ARHGAP26: variants seen among roughly 807,000 people sequenced by gnomAD.
ARHGAP26 encodes the protein rho GTPase-activating protein 26.
A neutral mutation model predicts 104.8 loss-of-function variants in ARHGAP26; 38 were observed. The observed-to-expected ratio is 0.36, with a 90% CI of 0.28 to 0.48. The LOEUF (loss-of-function observed/expected upper bound fraction) is 0.48, where lower values mean the gene tolerates loss of function less well. Ranked by LOEUF, ARHGAP26 falls within the 20% of genes least tolerant of loss-of-function variation. The probability of loss-of-function intolerance (pLI) is 0.99; values close to 1 mark genes in which losing one functional copy is unlikely to be tolerated. For missense variants in ARHGAP26, 704 were observed against 947.9 expected (o/e 0.74, Z 3.38); for synonymous variants, 341 against 340.0 (o/e 1.00, Z -0.03).
intron 10 of ARHGAP26, among the ~76,000 whole-genome samples, chr5:142,931,595 T>C (rs1429676850): frequency 6.6e-6 from 1 of 152,208 alleles, no homozygotes; most frequent in Non-Finnish European, 1.5e-5. Context: ...GGACTAGATA[T>C]TAGGAGACAA....
chr5:142,879,226 C>T (rs868165519), intron 3 of ARHGAP26, 148 bp from the exon 4 acceptor site: 17 of 733,416 alleles, frequency 2.3e-5, no homozygotes, highest in African/African-American at 8.7e-5. Flanking sequence ...GCTATTAGTT[C>T]GAAGGTTGTA....
intron 11 of ARHGAP26, among the ~76,000 whole-genome samples, chr5:142,977,966 T>A (rs1598459035): frequency 6.6e-6 from 1 of 152,238 alleles, no homozygotes; most frequent in Admixed American, 6.5e-5. Context: ...GCTGGGATGG[T>A]TGACAGATCA....
chr5:143,175,043 C>T (rs755620362), intron 20 of ARHGAP26, among the ~76,000 whole-genome samples: 12 of 152,152 alleles, frequency 7.9e-5, no homozygotes, highest in Non-Finnish European at 1.5e-4. Context: ...CTGTGTGCTC[C>T]GAATACATCT....
intron 11 of ARHGAP26, among the ~76,000 whole-genome samples, chr5:142,991,448 T>C (rs1383566128): frequency 1.3e-5 from 2 of 152,102 alleles, no homozygotes; most frequent in African/African-American, 4.8e-5. Context: ...AGGCTCACAC[T>C]CCATGGGCTG....
chr5:142,840,612 G>A (rs1430386792), intron 1 of ARHGAP26, among the ~76,000 whole-genome samples: 1 of 152,152 alleles, frequency 6.6e-6, no homozygotes, highest in African/African-American at 2.4e-5. Flanking sequence ...AATGGGGAGG[G>A]CCCATGGCAA....
At chr5:142,782,704 A>T (rs148913604) in intron 1 of ARHGAP26, among the ~76,000 whole-genome samples, 41 of 152,260 alleles carry the variant, frequency 2.7e-4, no homozygotes, top group Non-Finnish European at 1.6e-4. Context: ...ACCTTTGGAG[A>T]TGAAACTGGA....
chr5:143,073,423 G>A (rs572173892), intron 17 of ARHGAP26, among the ~76,000 whole-genome samples: 2 of 152,274 alleles, frequency 1.3e-5, no homozygotes, highest in East Asian at 3.9e-4. Context: ...CCAGACTGAG[G>A]TAAAGGAATG....
rs1183907244 is a variant in ARHGAP26, at chr5:142,858,067, G to GTA, written c.155-15332_155-15331insAT. On this transcript the variant is annotated intron_variant, in intron 1 of 22. Transcript: ENST00000645722. ...TGAGAGAGAGAGAGAGAATCTGTGT[G>GTA]TGTGTGTGTGTGTGTGTGTGTGTGT... 1.8e-3 allele frequency among the ~76,000 whole-genome samples: 247 copies of GTA among 138,516 alleles called. 3 individuals are homozygous for GTA. Among genetic ancestry groups the GTA allele is most frequent in the African/African-American group, 6.9e-3 (233 of 33,550 alleles). The allele number at this position is 138,516 out of a possible 152,430, so 90.9% of individuals were successfully genotyped here. A position where few individuals can be genotyped will look rare whatever the true frequency, so the allele number is the denominator to read the frequency against.
At chr5:143,179,766 G>A (rs1358181431) in intron 20 of ARHGAP26, among the ~76,000 whole-genome samples, 1 of 152,064 alleles carries the variant, frequency 6.6e-6, no homozygotes, top group African/African-American at 2.4e-5. Flanking sequence ...TTGTTATTGT[G>A]GGGAAAGTCC....
chr5:142,910,386 G>T (rs1479412085), intron 9 of ARHGAP26, among the ~76,000 whole-genome samples: 1 of 152,166 alleles, frequency 6.6e-6, no homozygotes, highest in East Asian at 1.9e-4. Flanking sequence ...CTGTCTAGAG[G>T]TGATGTCTTC....
Position 142,949,104 on chromosome 5 carries a change from CA to C in ARHGAP26, c.1107+16991del, listed in dbSNP as rs1013018130. On this transcript the variant is annotated intron_variant, in intron 11 of 22. Transcript: ENST00000645722. ...TGGGTGAAAGAGTGAGACTCCGTCTCAAAAAAAAAAAATTGAAGAAAGCACA... is the reference window on the plus strand; with the variant it reads ...TGGGTGAAAGAGTGAGACTCCGTCTCAAAAAAAAAAATTGAAGAAAGCACA... Among the ~76,000 whole-genome samples, 32 of 115,162 alleles carry C rather than the reference CA, an allele frequency of 2.8e-4. 1 individual carries two copies. Among genetic ancestry groups the C allele is most frequent in the African/African-American group, 4.4e-4 (12 of 27,374 alleles). The allele number at this position is 115,162 out of a possible 152,430, so 75.6% of individuals were successfully genotyped here. A position where few individuals can be genotyped will look rare whatever the true frequency, so the allele number is the denominator to read the frequency against.
intron 1 of ARHGAP26, among the ~76,000 whole-genome samples, chr5:142,872,004 G>A: frequency 6.6e-6 from 1 of 152,190 alleles, no homozygotes. Flanking sequence ...AGCTGCAGCT[G>A]CTGTCCATGC....
chr5:142,837,817 A>G (rs1769896325), intron 1 of ARHGAP26, among the ~76,000 whole-genome samples: 1 of 152,218 alleles, frequency 6.6e-6, no homozygotes, highest in Admixed American at 6.5e-5. Flanking sequence ...CTCAAACAAT[A>G]CAAAACAGTT....
chr5:143,103,850 G>T (rs1793616574), intron 17 of ARHGAP26, among the ~76,000 whole-genome samples: 2 of 152,046 alleles, frequency 1.3e-5, no homozygotes, highest in Non-Finnish European at 2.9e-5. Context: ...GTAGATGACG[G>T]GTTGATGGGT....
intron 20 of ARHGAP26, chr5:143,168,589 C>T (rs1802366290): frequency 6.7e-6 from 1 of 150,030 alleles, no homozygotes; most frequent in Non-Finnish European, 1.5e-5. Context: ...AAAAAGCCAA[C>T]AAAATAGGTT....
chr5:142,901,078 G>A (rs1355219509), intron 6 of ARHGAP26, among the ~76,000 whole-genome samples: 1 of 152,216 alleles, frequency 6.6e-6, no homozygotes, highest in Non-Finnish European at 1.5e-5. Context: ...TAACAACAGT[G>A]AGGTTTGGAT....
chr5:143,020,183 C>T (rs1209670738), intron 12 of ARHGAP26, among the ~76,000 whole-genome samples: 1 of 152,206 alleles, frequency 6.6e-6, no homozygotes, highest in Non-Finnish European at 1.5e-5. Context: ...CCTGGCCTCA[C>T]GTGATCCTTC....
At chr5:142,907,879 A>G in intron 9 of ARHGAP26, 75 bp downstream of exon 9, 2 of 978,466 alleles carry the variant, frequency 2.0e-6, no homozygotes, top group South Asian at 3.6e-5. Flanking sequence ...GTATAAAGTA[A>G]CACCTCCAGT....
chr5:143,003,963 C>T (rs1314616474), intron 11 of ARHGAP26, among the ~76,000 whole-genome samples: 1 of 146,780 alleles, frequency 6.8e-6, no homozygotes, highest in Non-Finnish European at 1.5e-5. Context: ...CCCAGAATCA[C>T]CACACATTCA....
Sources: allele counts gnomAD v4.1 joint callset (sites outside exome capture counted in the v4.1 genomes callset), GRCh38; gene constraint gnomAD v4.1.1; transcripts MANE v1.5; gene names NCBI Gene and HGNC (gene_info 2026-07-23, HGNC 2026-07-21).